PRDM16: variants seen among roughly 807,000 people sequenced by gnomAD.
The protein encoded by PRDM16 is PR/SET domain 16.
Under a neutral mutation model 110.6 loss-of-function variants are expected in PRDM16, and 23 were observed. The ratio of observed to expected loss-of-function variants is 0.21; its 90% confidence interval spans 0.15 to 0.29. The LOEUF (loss-of-function observed/expected upper bound fraction) is 0.29, where lower values mean the gene tolerates loss of function less well. Ranked by LOEUF, PRDM16 falls within the 10% of genes least tolerant of loss-of-function variation. The pLI is 1.00. For synonymous variants in PRDM16, 799 were observed against 781.8 expected (o/e 1.02, Z -0.37); for missense variants, 1,615 against 1,794.3 (o/e 0.90, Z 1.81).
At chr1:3,355,029 G>A (rs902383423) in intron 3 of PRDM16, among the ~76,000 whole-genome samples, 2 of 152,166 alleles carry the variant, frequency 1.3e-5, no homozygotes, top group Non-Finnish European at 1.5e-5. Flanking sequence ...TGAGCACCAG[G>A]GGGGAACCCA....
chr1:3,238,466 TA>T (rs1380704555), intron 2 of PRDM16, among the ~76,000 whole-genome samples: 2 of 152,186 alleles, frequency 1.3e-5, no homozygotes, highest in Admixed American at 6.5e-5. Context: ...CAAGGAGCTT[TA>T]AAAAAAATCA....
At chr1:3,283,800 T>G (rs1640785482) in intron 3 of PRDM16, among the ~76,000 whole-genome samples, 1 of 152,238 alleles carries the variant, frequency 6.6e-6, no homozygotes, top group Admixed American at 6.5e-5. Flanking sequence ...CCCCAGCATC[T>G]TCCAGCAAAG....
chr1:3,385,310 G>A (rs199885016), intron 4 of PRDM16, 24 bp downstream of exon 4: 31 of 1,611,746 alleles, frequency 1.9e-5, no homozygotes, highest in Middle Eastern at 3.3e-4. Flanking sequence ...CATAACAGGG[G>A]CTTCTGCCTC....
At chr1:3,340,495 G>A (rs2255212) in intron 3 of PRDM16, among the ~76,000 whole-genome samples, 48,886 of 152,074 alleles carry the variant, frequency 0.32, 8,560 homozygotes, top group South Asian at 0.44. Context: ...AACATTCCGA[G>A]GGAAAATAAA....
intron 1 of PRDM16, among the ~76,000 whole-genome samples, chr1:3,182,983 T>C (rs1014940201): frequency 1.2e-4 from 18 of 152,098 alleles, no homozygotes; most frequent in African/African-American, 3.6e-4. Context: ...CCCATAGAAA[T>C]TCTAGAAATG....
At position 3,173,350 on chromosome 1, in the gene PRDM16, G is replaced by A. The variant is rs1036693947; in HGVS notation, c.38-12775G>A. Reference sequence around the variant, plus strand: ...CGCGAGTCATTCAGCGCCTGCCCGGGGCGATGGAGGCGGCGAGGAAATACA... The same window carrying A: ...CGCGAGTCATTCAGCGCCTGCCCGGAGCGATGGAGGCGGCGAGGAAATACA... On this transcript the variant is annotated intron_variant, in intron 1 of 16. Transcript: ENST00000270722. 3.3e-5 allele frequency among the ~76,000 whole-genome samples: 5 copies of A among 152,270 alleles called. No individual in the cohort carries two copies. The East Asian group carries it at 9.6e-4, about 29-fold the overall frequency.
chr1:3,351,189 C>A (rs1234179022), intron 3 of PRDM16, among the ~76,000 whole-genome samples: 1 of 152,152 alleles, frequency 6.6e-6, no homozygotes, highest in African/African-American at 2.4e-5. Context: ...TCCACCCCGG[C>A]CCCTGGCCAG....
intron 1 of PRDM16, among the ~76,000 whole-genome samples, chr1:3,087,637 CCT>C (rs1483555824): frequency 6.6e-6 from 1 of 152,140 alleles, no homozygotes; most frequent in Non-Finnish European, 1.5e-5. Flanking sequence ...CCCAACGCAC[CCT>C]GTTTCCTTGG....
intron 2 of PRDM16, among the ~76,000 whole-genome samples, chr1:3,241,863 G>A (rs939453315): frequency 6.6e-6 from 1 of 152,226 alleles, no homozygotes; most frequent in African/African-American, 2.4e-5. Context: ...CCACCTGAGA[G>A]GCTATGCATC....
Position 3,293,532 on chromosome 1 carries a change from G to A in PRDM16, c.438+49395G>A, listed in dbSNP as rs924963528. Among the ~76,000 whole-genome samples, 19 of 152,354 alleles carry A rather than the reference G, an allele frequency of 1.2e-4. No individual in the cohort carries two copies. The East Asian group carries it at 1.4e-3, about 11-fold the overall frequency. On this transcript the variant is annotated intron_variant, in intron 3 of 16. Transcript: ENST00000270722. ...AAACTTATCAGAGGCAGTGAACTCCGCGCTGCACTAAATAGAATTCCATTA... is the reference window on the plus strand; with the variant it reads ...AAACTTATCAGAGGCAGTGAACTCCACGCTGCACTAAATAGAATTCCATTA...
intron 8 of PRDM16, among the ~76,000 whole-genome samples, chr1:3,410,137 ATGTG>A (rs1295869262): frequency 2.7e-5 from 4 of 145,518 alleles, no homozygotes; most frequent in Non-Finnish European, 6.1e-5. Flanking sequence ...ATGTGTATGA[ATGTG>A]GTGTGTGGTT....
intron 2 of PRDM16, among the ~76,000 whole-genome samples, chr1:3,205,355 AC>A (rs1376678206): frequency 2.0e-5 from 3 of 151,928 alleles, no homozygotes; most frequent in Non-Finnish European, 4.4e-5. Context: ...CTCCACTTAC[AC>A]CCGGGAAAAT....
chr1:3,071,175 C>G (rs1344058023), intron 1 of PRDM16, among the ~76,000 whole-genome samples: 1 of 152,232 alleles, frequency 6.6e-6, no homozygotes, highest in Non-Finnish European at 1.5e-5. Flanking sequence ...GCCGCGCTGA[C>G]GCCGGGGCCT....
intron 1 of PRDM16, among the ~76,000 whole-genome samples, chr1:3,138,932 C>T (rs1425958078): frequency 2.6e-5 from 4 of 152,104 alleles, no homozygotes; most frequent in East Asian, 1.9e-4. Context: ...GGGATGAGGC[C>T]GTTCCTTGCG....
chr1:3,111,631 C>T (rs867004312), intron 1 of PRDM16, among the ~76,000 whole-genome samples: 5 of 151,966 alleles, frequency 3.3e-5, no homozygotes, highest in African/African-American at 7.2e-5. Context: ...GGAAAGGAGG[C>T]GCAGGTCAGG....
chr1:3,322,362 C>T (rs566181569), intron 3 of PRDM16, among the ~76,000 whole-genome samples: 4 of 152,248 alleles, frequency 2.6e-5, no homozygotes, highest in East Asian at 1.9e-4. Flanking sequence ...TCTTCCCCTC[C>T]GGAGCCTATA....
At chr1:3,111,335 G>T (rs1383963953) in intron 1 of PRDM16, among the ~76,000 whole-genome samples, 1 of 152,052 alleles carries the variant, frequency 6.6e-6, no homozygotes, top group Non-Finnish European at 1.5e-5. Context: ...AGTGGGGGAG[G>T]CAGGATGGAC....
At chr1:3,070,100 C>T (rs1641711672) in intron 1 of PRDM16, among the ~76,000 whole-genome samples, 2 of 151,996 alleles carry the variant, frequency 1.3e-5, no homozygotes, top group South Asian at 4.1e-4. Flanking sequence ...ACCTCCCGAC[C>T]CGCCGCTGCC....
At chr1:3,301,350 GA>G (rs774850084) in intron 3 of PRDM16, among the ~76,000 whole-genome samples, 8,447 of 117,740 alleles carry the variant, frequency 0.072, 734 homozygotes, top group African/African-American at 0.24. Flanking sequence ...AAAAAAAAAA[GA>G]AAAAAAAAAA....
Sources: gnomAD v4.1 joint callset for allele counts (sites outside exome capture counted in the v4.1 genomes callset) on GRCh38, gnomAD v4.1.1 for gene constraint, MANE v1.5 for transcripts, NCBI Gene and HGNC (gene_info 2026-07-23, HGNC 2026-07-21) for gene names.